Variants in XKR9 observed in about 807,000 individuals in gnomAD.
The protein encoded by XKR9 is XK related 9, also known as XK-related protein 9.
In XKR9, 32 loss-of-function variants were observed where a neutral mutation model predicts 32.0. The ratio of observed to expected loss-of-function variants is 1.00; its 90% CI spans 0.76 to 1.34. XKR9 has a LOEUF of 1.34. XKR9 is among the 40% of genes most tolerant of loss of function. The pLI is 0.00. For missense variants in XKR9, 546 were observed against 429.7 expected (o/e 1.27, Z -2.39); for synonymous variants, 168 against 143.4 (o/e 1.17, Z -1.22).
the XKR9 span, among the ~76,000 whole-genome samples, chr8:70,909,770 A>T: frequency 1.6e-5 from 2 of 128,762 alleles, no homozygotes; most frequent in Non-Finnish European, 3.1e-5. Context: ...ATACAGTGGC[A>T]TGATCTCAGC....
At chr8:70,748,441 G>A (rs1316216338) in intron 2 of XKR9, among the ~76,000 whole-genome samples, 3 of 152,234 alleles carry the variant, frequency 2.0e-5, no homozygotes, top group South Asian at 4.1e-4. Context: ...CCAAGCCTGG[G>A]TGCTATTGTG....
intron 3 of XKR9, among the ~76,000 whole-genome samples, chr8:70,686,975 ACT>A (rs761348573): frequency 2.6e-5 from 4 of 151,992 alleles, no homozygotes; most frequent in Non-Finnish European, 2.9e-5. Context: ...TTCCAATTTC[ACT>A]CTTAGTTATT....
chr8:70,741,470 C>T (rs1806981088), intron 2 of XKR9, among the ~76,000 whole-genome samples: 1 of 152,192 alleles, frequency 6.6e-6, no homozygotes, highest in African/African-American at 2.4e-5. Context: ...CAGACTGAGA[C>T]ACATGTAAGT....
At chr8:70,920,742 A>G in the XKR9 span, among the ~76,000 whole-genome samples, 1 of 152,120 alleles carries the variant, frequency 6.6e-6, no homozygotes, top group African/African-American at 2.4e-5. Context: ...TTAAAAAGCA[A>G]CCTGTTTATA....
chr8:70,904,833 C>A, the XKR9 span, among the ~76,000 whole-genome samples: 2 of 152,110 alleles, frequency 1.3e-5, no homozygotes, highest in African/African-American at 4.8e-5. Context: ...CAAAATCTCT[C>A]GGCAGTTATT....
the XKR9 span, among the ~76,000 whole-genome samples, chr8:71,036,870 C>CTTTT: frequency 3.7e-5 from 5 of 135,412 alleles, no homozygotes; most frequent in South Asian, 2.4e-4. Context: ...GAGATTGCAC[C>CTTTT]TTTTTTTTTT....
At chr8:70,838,864 T>G in the XKR9 span, among the ~76,000 whole-genome samples, 1,243 of 152,212 alleles carry the variant, frequency 8.2e-3, 9 homozygotes, top group Non-Finnish European at 0.011. Context: ...AAGAGTTTGC[T>G]CTTTATGAGA....
chr8:70,762,397 G>A (rs1008717404), intron 2 of XKR9, among the ~76,000 whole-genome samples: 22 of 152,164 alleles, frequency 1.4e-4, no homozygotes, highest in African/African-American at 5.3e-4. Context: ...TAGGATGTGA[G>A]CAGAGGGCAA....
At chr8:70,877,704 A>G in the XKR9 span, among the ~76,000 whole-genome samples, 2 of 152,230 alleles carry the variant, frequency 1.3e-5, no homozygotes, top group African/African-American at 4.8e-5. Flanking sequence ...CCTGAAAGTG[A>G]TGGGGAGAAT....
chr8:71,002,443 C>A, the XKR9 span, among the ~76,000 whole-genome samples: 1 of 151,476 alleles, frequency 6.6e-6, no homozygotes, highest in African/African-American at 2.4e-5. Context: ...TTCTGTCTCT[C>A]AATTAACAGC....
At chr8:70,905,986 G>A in the XKR9 span, among the ~76,000 whole-genome samples, 1 of 152,164 alleles carries the variant, frequency 6.6e-6, no homozygotes, top group Non-Finnish European at 1.5e-5. Flanking sequence ...TCCTTCTTCT[G>A]GAAGCTTAGT....
At chr8:70,895,200 C>G in the XKR9 span, among the ~76,000 whole-genome samples, 2 of 152,092 alleles carry the variant, frequency 1.3e-5, no homozygotes, top group Non-Finnish European at 2.9e-5. Flanking sequence ...TAGTTTCCAG[C>G]TGATCCCATT....
chr8:70,734,618 C>CCTGGT lies in XKR9; in HGVS notation c.*194_*195insCTGGT. On this transcript the variant is annotated 3_prime_UTR_variant, in exon 5 of 5. Coordinates refer to ENST00000408926, the MANE Select transcript of XKR9 (RefSeq NM_001011720.2). ...TTTGGTTTTGAAGATCTTGAGTACT[C>CCTGGT]AGATATCTTTCTACTGCCTGGTAGA... 6.2e-6 allele frequency: 4 copies of CCTGGT among 642,304 alleles called. No individual in the cohort carries two copies. Among genetic ancestry groups the CCTGGT allele is most frequent in the Non-Finnish European group, 8.6e-6 (4 of 465,836 alleles). 39.8% of individuals were successfully genotyped at this position (642,304 alleles called of 1,614,324 possible). A position where few individuals can be genotyped will look rare whatever the true frequency, so the allele number is the denominator to read the frequency against.
the XKR9 span, among the ~76,000 whole-genome samples, chr8:71,020,980 A>G: frequency 6.6e-6 from 1 of 152,196 alleles, no homozygotes; most frequent in Admixed American, 6.5e-5. Flanking sequence ...TTCAGGCTAT[A>G]CAAGAAGCAT....
At chr8:70,826,111 G>A in the XKR9 span, among the ~76,000 whole-genome samples, 10 of 152,116 alleles carry the variant, frequency 6.6e-5, no homozygotes, top group East Asian at 5.8e-4. Flanking sequence ...TTTATTTTGG[G>A]TCTTTGTTTT....
At chr8:71,050,298 T>TAG in the XKR9 span, among the ~76,000 whole-genome samples, 3 of 92,800 alleles carry the variant, frequency 3.2e-5, no homozygotes, top group South Asian at 4.3e-4. Context: ...TATAGATATA[T>TAG]ATATAGATAT....
At chr8:70,785,718 G>GCT (rs60417775) in intron 2 of XKR9, among the ~76,000 whole-genome samples, 7,081 of 137,250 alleles carry the variant, frequency 0.052, 237 homozygotes, top group South Asian at 0.13. Context: ...ACTTTTTTTT[G>GCT]CTCTCTCTCT....
intron 4 of XKR9, among the ~76,000 whole-genome samples, chr8:70,723,517 A>T (rs1165563203): frequency 2.0e-5 from 3 of 151,946 alleles, no homozygotes; most frequent in Non-Finnish European, 4.4e-5. Flanking sequence ...GTTGATGTTG[A>T]TGTTGATTTT....
At chr8:70,937,778 A>C in the XKR9 span, among the ~76,000 whole-genome samples, 1 of 152,098 alleles carries the variant, frequency 6.6e-6, no homozygotes, top group South Asian at 2.1e-4. Flanking sequence ...TTCTGACTAC[A>C]TGTCCAGGGC....
Sources: allele counts gnomAD v4.1 joint callset (sites outside exome capture counted in the v4.1 genomes callset), GRCh38; gene constraint gnomAD v4.1.1; transcripts MANE v1.5; gene names NCBI Gene and HGNC (gene_info 2026-07-23, HGNC 2026-07-21).